BEND2: variants seen among roughly 807,000 people sequenced by gnomAD.
BEND2 encodes the protein BEN domain containing 2.
BEND2 carries 19 observed loss-of-function variants against 43.8 expected under a neutral mutation model. The observed-to-expected ratio is 0.43, with a 90% CI of 0.30 to 0.64. The LOEUF (loss-of-function observed/expected upper bound fraction) is 0.64. Among genes scored for constraint, BEND2 ranks in the 30% least tolerant of loss-of-function variants. The probability of loss-of-function intolerance (pLI) is 0.11; values close to 1 mark genes in which losing one functional copy is unlikely to be tolerated. For synonymous variants in BEND2, 226 were observed against 210.1 expected, an observed-to-expected ratio of 1.08 and a Z score of -0.66; for missense variants, 544 against 574.0, an observed-to-expected ratio of 0.95 and a Z score of 0.53.
intron 12 of BEND2, among the ~76,000 whole-genome samples, chrX:18,171,675 C>G (rs1006144240): frequency 9.0e-6 from 1 of 111,695 alleles, no homozygotes; most frequent in Non-Finnish European, 1.9e-5. Flanking sequence ...GATTATGAGA[C>G]AGCATGAGAA....
intron 4 of BEND2, among the ~76,000 whole-genome samples, chrX:18,205,480 C>T (rs746658331): frequency 2.8e-5 from 3 of 108,507 alleles, no homozygotes; most frequent in Non-Finnish European, 5.7e-5. Context: ...GTGGCATGCA[C>T]CTGTAGTCCC....
intron 8 of BEND2, among the ~76,000 whole-genome samples, chrX:18,186,300 A>C (rs1924227144): frequency 9.1e-6 from 1 of 110,112 alleles, no homozygotes; most frequent in Non-Finnish European, 1.9e-5. Context: ...TCCACTAAAA[A>C]TACAAAAAGT....
chrX:18,198,437 C>G (rs1925031071), intron 6 of BEND2, among the ~76,000 whole-genome samples: 1 of 111,842 alleles, frequency 8.9e-6, no homozygotes, highest in South Asian at 3.7e-4. Context: ...ATGCAGCCAA[C>G]AGACAACATG....
intron 3 of BEND2, among the ~76,000 whole-genome samples, chrX:18,213,151 G>A (rs1426198265): frequency 8.9e-6 from 1 of 111,780 alleles, no homozygotes; most frequent in Non-Finnish European, 1.9e-5. Flanking sequence ...CAGTTGAGAT[G>A]ATCTCTAAGG....
chrX:18,166,629 G>C (rs1923829649), intron 13 of BEND2, among the ~76,000 whole-genome samples: 1 of 111,487 alleles, frequency 9.0e-6, no homozygotes, highest in African/African-American at 3.3e-5. Flanking sequence ...TTTTGAAACT[G>C]ACAGTCGGCC....
chrX:18,180,441 T>G, intron 9 of BEND2, 69 bp downstream of exon 9: 1 of 1,178,972 alleles, frequency 8.5e-7, no homozygotes, highest in Non-Finnish European at 1.1e-6. Flanking sequence ...TTTCACTGTC[T>G]TGCATCAAGG....
At chrX:18,181,348 C>T (rs1924380010) in intron 8 of BEND2, among the ~76,000 whole-genome samples, 1 of 111,116 alleles carries the variant, frequency 9.0e-6, no homozygotes, top group African/African-American at 3.3e-5. Context: ...CTCATGTTGA[C>T]ATGAAAACCT....
intron 8 of BEND2, 121 bp from the exon 9 acceptor site, chrX:18,180,771 C>CTCTTTTTTTTTTCTTTCTT (rs1924354429): frequency 8.1e-6 from 4 of 495,602 alleles, no homozygotes; most frequent in Non-Finnish European, 1.3e-5. Flanking sequence ...AGCAGACCTA[C>CTCTTTTTTTTTTCTTTCTT]TCTTTTTTTT....
At chrX:18,193,002 ACAAAAAC>A (rs781597243) in intron 7 of BEND2, among the ~76,000 whole-genome samples, 17 of 110,666 alleles carry the variant, frequency 1.5e-4, no homozygotes, top group African/African-American at 5.6e-4. Flanking sequence ...AAAAACAAAA[ACAAAAAC>A]AAAAAACAAA....
Position 18,164,025 on chromosome X carries a change from T to G in BEND2, c.*984A>C, listed in dbSNP as rs1923758397. 1 of 110,917 alleles carries G rather than the reference T, an allele frequency of 9.0e-6. No individual in the cohort carries two copies. The highest frequency in any genetic ancestry group is 1.9e-5 in the Non-Finnish European group (1 of 52,970). The allele number at this position is 110,917 out of a possible 1,213,427, so 9.1% of individuals were successfully genotyped here. On this transcript the variant is annotated 3_prime_UTR_variant, in exon 14 of 14. Transcript: ENST00000380033. ...CAAGATTTTTTTAATTATCTACTTC[T>G]TTTTTTTCTTTTCCCGAGACGGAGT... is the stretch of plus-strand genomic sequence containing the variant.
intron 8 of BEND2, among the ~76,000 whole-genome samples, chrX:18,184,252 C>T (rs980039431): frequency 5.4e-5 from 6 of 111,450 alleles, no homozygotes; most frequent in African/African-American, 2.0e-4. Context: ...GAGGCTGAGG[C>T]GGGCAGATCA....
intron 13 of BEND2, among the ~76,000 whole-genome samples, chrX:18,170,775 G>A (rs909996159): frequency 1.8e-5 from 2 of 111,939 alleles, no homozygotes; most frequent in African/African-American, 6.5e-5. Flanking sequence ...CCCCTTTCCT[G>A]TTCTAGTAAA....
At chrX:18,191,939 A>T (rs1009521566) in intron 7 of BEND2, among the ~76,000 whole-genome samples, 1 of 112,273 alleles carries the variant, frequency 8.9e-6, no homozygotes. Flanking sequence ...TCTCTGTATT[A>T]TTTATTATAA....
At chrX:18,195,902 AAGGGAGGG>A (rs747362329) in intron 6 of BEND2, among the ~76,000 whole-genome samples, 99 of 84,245 alleles carry the variant, frequency 1.2e-3, no homozygotes, top group African/African-American at 4.2e-3. Context: ...GAGACAGAGG[AAGGGAGGG>A]AGGGAGGGAG....
chrX:18,217,329 A>C (rs768678529), intron 1 of BEND2, among the ~76,000 whole-genome samples: 5 of 112,813 alleles, frequency 4.4e-5, no homozygotes, highest in Non-Finnish European at 9.4e-5. Flanking sequence ...GATCAAAATA[A>C]GCTTTATTTC....
At position 18,163,559 on chromosome X, in the gene BEND2, C is replaced by G. The variant is rs893629511; in HGVS notation, c.*1450G>C. The G allele has an allele frequency of 2.7e-5, 3 of 111,866 alleles. No homozygotes were observed. Among genetic ancestry groups the G allele is most frequent in the African/African-American group, 9.7e-5 (3 of 30,830 alleles). The allele number at this position is 111,866 out of a possible 1,213,427, so 9.2% of individuals were successfully genotyped here. A position where few individuals can be genotyped will look rare whatever the true frequency, so the allele number is the denominator to read the frequency against. On this transcript the variant is annotated 3_prime_UTR_variant, in exon 14 of 14. Coordinates refer to ENST00000380033, the MANE Select transcript of BEND2 (RefSeq NM_153346.5). ...GAAAGTTCTATCAGACAAGACTGCTCTAAATAACTTCTAAAAACCACTAAT... is the reference window on the plus strand; with the variant it reads ...GAAAGTTCTATCAGACAAGACTGCTGTAAATAACTTCTAAAAACCACTAAT...
At chrX:18,182,090 T>C (rs992707326) in intron 8 of BEND2, among the ~76,000 whole-genome samples, 4 of 111,487 alleles carry the variant, frequency 3.6e-5, no homozygotes, top group Admixed American at 2.9e-4. Flanking sequence ...GAATGAAAAA[T>C]ATATACCATG....
At chrX:18,217,039 TG>T (rs1327558373) in intron 1 of BEND2, among the ~76,000 whole-genome samples, 2 of 112,793 alleles carry the variant, frequency 1.8e-5, no homozygotes, top group Admixed American at 9.4e-5. Flanking sequence ...CATGCCACAG[TG>T]TTCAATGATA....
At chrX:18,174,972 C>G (rs1924098904) in intron 11 of BEND2, among the ~76,000 whole-genome samples, 1 of 111,315 alleles carries the variant, frequency 9.0e-6, no homozygotes, top group Non-Finnish European at 1.9e-5. Flanking sequence ...GGCTGTGGAC[C>G]TACTCTGAGT....
Sources: gnomAD v4.1 joint callset for allele counts (sites outside exome capture counted in the v4.1 genomes callset) on GRCh38, gnomAD v4.1.1 for gene constraint, MANE v1.5 for transcripts, NCBI Gene and HGNC (gene_info 2026-07-23, HGNC 2026-07-21) for gene names.